The following GCKR variants were observed in gnomAD, a reference collection of about 807,000 sequenced individuals.
GCKR encodes the protein glucokinase regulatory protein.
In GCKR, 73 loss-of-function variants were observed where a neutral mutation model predicts 82.9. The observed-to-expected ratio is 0.88, with a 90% CI of 0.73 to 1.07. GCKR has a LOEUF of 1.07. Ranked by LOEUF, GCKR falls within the 50% of genes least tolerant of loss-of-function variation. The probability of loss-of-function intolerance (pLI) is 0.00; values close to 1 mark genes in which losing one functional copy is unlikely to be tolerated. For synonymous variants in GCKR, 294 were observed against 291.8 expected, an observed-to-expected ratio of 1.01 and a Z score of -0.08; for missense variants, 784 against 782.1, an observed-to-expected ratio of 1.00 and a Z score of -0.03.
chr2:27,498,350 TC>T (rs1669474896), intron 4 of GCKR, 27 bp downstream of exon 4: 3 of 1,566,026 alleles, frequency 1.9e-6, no homozygotes, highest in African/African-American at 1.4e-5. Flanking sequence ...CCAGTTTTCT[TC>T]CCCCTCCACT....
At chr2:27,516,712 GTGTTAA>G (rs927269906) in intron 16 of GCKR, among the ~76,000 whole-genome samples, 2 of 152,070 alleles carry the variant, frequency 1.3e-5, no homozygotes, top group African/African-American at 2.4e-5. Context: ...TGTGTTAATG[GTGTTAA>G]TGTTAATGGT....
chr2:27,497,718 T>C, intron 3 of GCKR, 88 bp downstream of exon 3: 1 of 821,728 alleles, frequency 1.2e-6, no homozygotes, highest in South Asian at 1.4e-5. Context: ...TTGATAGATC[T>C]CATTCTCCTT....
rs774972223 is a variant in GCKR at position 27,499,381 on chromosome 2, C to T, written c.496-16C>T. 2 of 1,601,156 alleles carry T rather than the reference C, an allele frequency of 1.2e-6. No homozygotes were observed. The highest frequency in any genetic ancestry group is 1.7e-6 in the Non-Finnish European group (2 of 1,168,042). On this transcript the variant is annotated splice_polypyrimidine_tract_variant and intron_variant, in intron 6 of 18. Coordinates refer to ENST00000264717, the MANE Select transcript of GCKR (RefSeq NM_001486.4). ...ATCCTCCCAGTTACACTACCTTGTC[C>T]ATCCTCCTCTCCTAGGTGGCTGCCG...
At chr2:27,517,339 C>T (rs1015177847) in intron 16 of GCKR, among the ~76,000 whole-genome samples, 9 of 152,054 alleles carry the variant, frequency 5.9e-5, no homozygotes, top group South Asian at 2.1e-4. Context: ...GTTTAATTGA[C>T]CCACAGTTCA....
At chr2:27,498,897 T>C in intron 5 of GCKR, 100 bp downstream of exon 5, 1 of 805,890 alleles carries the variant, frequency 1.2e-6, no homozygotes, top group Non-Finnish European at 2.2e-6. Context: ...CTGGCTTGTC[T>C]TAGTCCTCAC....
chr2:27,497,611 A>T lies in GCKR; in HGVS notation c.266A>T (p.Lys89Ile). The T allele has an allele frequency of 1.9e-6, 3 of 1,610,390 alleles. No individual in the cohort carries two copies. Among genetic ancestry groups the T allele is most frequent in the Non-Finnish European group, 2.5e-6 (3 of 1,176,598 alleles). ...ILTTMVQVAG[K>I]VQEVLKEPDG... The stretch of plus-strand genomic sequence containing the variant: ...ACCACCATGGTACAGGTGGCTGGGA[A>T]AGTTCAGGAAGTGCTGAAGGTACTA... The change falls in exon 3 of 19, where the codon AAA becomes ATA. Residue 89 changes from lysine to isoleucine, a missense_variant. Physicochemically the swap from Lys to Ile is moderately radical, Grantham distance 102 (BLOSUM62 -3). Transcript: ENST00000264717.
chr2:27,499,188 G>T lies in GCKR; in HGVS notation c.475G>T (p.Gly159Trp). ...GGGGACAGAAGATAGTGCCTTGCAC[G>T]GGATTGAGGAACTGAAGAAGGTCTG... is the stretch of plus-strand genomic sequence containing the variant. ...REGTEDSALH[G>W]IEELKKVAAG... Residue 159 changes from glycine (G) to tryptophan (W), a missense_variant, in exon 6 of 19, where the codon GGG (glycine) becomes TGG (tryptophan). Physicochemically the swap from Gly to Trp is radical, Grantham distance 184. Coordinates refer to ENST00000264717, the MANE Select transcript of GCKR (RefSeq NM_001486.4). 6.2e-7 allele frequency: 1 copy of T among 1,610,692 alleles called. No homozygotes were observed. Among genetic ancestry groups the T allele is most frequent in the South Asian group, 1.1e-5 (1 of 90,990 alleles).
At chr2:27,522,436 C>T (rs375483288) in intron 17 of GCKR, 24 bp from the exon 18 acceptor site, 7 of 1,613,534 alleles carry the variant, frequency 4.3e-6, no homozygotes, top group Non-Finnish European at 5.9e-6. Flanking sequence ...TAGCCTGACA[C>T]TGATCTTACC....
intron 17 of GCKR, among the ~76,000 whole-genome samples, chr2:27,520,821 A>C (rs1290864667): frequency 4.6e-5 from 7 of 152,002 alleles, no homozygotes. Flanking sequence ...AGATCACTTG[A>C]GGTCAGGAGT....
rs1318558977 is a variant in GCKR, at chr2:27,505,283, C to T, written c.751-435C>T. On this transcript the variant is annotated intron_variant, in intron 9 of 18. Transcript: ENST00000264717. ...TGGTGGCGGGCGCCTGTAGTCCCAG[C>T]TATTTGGGAGGCTGAGGCAGGAGAA... Among the ~76,000 whole-genome samples, 6 of 149,994 alleles carry T rather than the reference C, an allele frequency of 4.0e-5. No individual in the cohort carries two copies. The Admixed American group carries it at 4.0e-4, about 10-fold the overall frequency.
At chr2:27,509,703 A>AG (rs1669834783) in intron 16 of GCKR, 1 of 153,530 alleles carries the variant, frequency 6.5e-6, no homozygotes. Context: ...TTATAGATAC[A>AG]TTTTTTATAG....
chr2:27,498,579 T>C (rs1669482514), intron 4 of GCKR, 145 bp from the exon 5 acceptor site: 1 of 710,132 alleles, frequency 1.4e-6, no homozygotes, highest in Admixed American at 2.0e-5. Context: ...AAGTAGCAGC[T>C]TTAAGTGCGA....
In GCKR at chr2:27,505,800, A is replaced by G. The variant is rs1446514491; in HGVS notation, c.833A>G (p.His278Arg). The change falls in exon 10 of 19, where the codon CAT (histidine) becomes CGT (arginine). Residue 278 changes from histidine (H) to arginine (R), a missense_variant. By Grantham distance (29) the His-to-Arg change is conservative. Coordinates refer to ENST00000264717, the MANE Select transcript of GCKR (RefSeq NM_001486.4). ...ILLETLLLAA[H>R]KTVDQGIAAS... ...CTGGAAACCCTGTTATTAGCAGCCCATAAGACTGTGGACCAGGGCATTGCA... is the reference window on the plus strand; with the variant it reads ...CTGGAAACCCTGTTATTAGCAGCCCGTAAGACTGTGGACCAGGGCATTGCA... 1 of 1,604,808 alleles carries G rather than the reference A, an allele frequency of 6.2e-7. No homozygotes were observed. Among genetic ancestry groups the G allele is most frequent in the South Asian group, 1.1e-5 (1 of 90,950 alleles).
intron 4 of GCKR, among the ~76,000 whole-genome samples, 157 bp downstream of exon 4, chr2:27,498,480 T>C (rs775808203): frequency 6.6e-6 from 1 of 152,152 alleles, no homozygotes; most frequent in Non-Finnish European, 1.5e-5. Context: ...GATGTCACCA[T>C]GAAGTCCCAT....
intron 17 of GCKR, among the ~76,000 whole-genome samples, chr2:27,520,872 C>T (rs1670135340): frequency 6.6e-6 from 1 of 151,556 alleles, no homozygotes. Context: ...CCCGTCTCTA[C>T]TAAAAATAAA....
rs1158594273 is a variant in GCKR at position 27,503,538 on chromosome 2, T to A, written c.669T>A (p.Ser223Arg). Residue 223 changes from serine to arginine, a missense_variant, in exon 9 of 19, where the codon AGT (serine) becomes AGA (arginine). Ser to Arg is a moderately radical substitution (Grantham distance 110). Coordinates refer to ENST00000264717, the MANE Select transcript of GCKR (RefSeq NM_001486.4). ...MARNDPIEDW[S>R]STFRQVAERM... Reference sequence around the variant, plus strand: ...GAAATGACCCCATTGAAGACTGGAGTTCAACATTCCGACAAGTAGCAGAGC... The same window carrying A: ...GAAATGACCCCATTGAAGACTGGAGATCAACATTCCGACAAGTAGCAGAGC... 6.2e-7 allele frequency: 1 copy of A among 1,604,138 alleles called. No individual in the cohort carries two copies. Among genetic ancestry groups the A allele is most frequent in the South Asian group, 1.1e-5 (1 of 90,856 alleles).
At position 27,523,450 on chromosome 2, in the gene GCKR, C is replaced by G. The variant is rs1340762172; in HGVS notation, c.*11C>G. On this transcript the variant is annotated 3_prime_UTR_variant, in exon 19 of 19. Coordinates refer to ENST00000264717, the MANE Select transcript of GCKR (RefSeq NM_001486.4). The stretch of plus-strand genomic sequence containing the variant: ...CCTGACGTTCAGTGAACCCATGTTT[C>G]TGGGTGGGTGAAAGGGGCCCAACCC... 3 of 1,603,074 alleles carry G rather than the reference C, an allele frequency of 1.9e-6. No homozygotes were observed. The highest frequency in any genetic ancestry group is 2.5e-6 in the Non-Finnish European group (3 of 1,179,802).
intron 16 of GCKR, chr2:27,509,565 C>T (rs998687963): frequency 1.4e-4 from 60 of 442,648 alleles, no homozygotes; most frequent in African/African-American, 1.0e-3. Context: ...TGTTTGCCAA[C>T]TCCTAGACTC....
intron 15 of GCKR, 44 bp from the exon 16 acceptor site, chr2:27,508,124 C>G (rs142183677): frequency 2.1e-5 from 33 of 1,578,698 alleles, no homozygotes; most frequent in Non-Finnish European, 2.3e-5. Context: ...TGCAGCCAGG[C>G]CTTCCTGGAG....
Sources: allele counts gnomAD v4.1 joint callset (sites outside exome capture counted in the v4.1 genomes callset), GRCh38; gene constraint gnomAD v4.1.1; transcripts MANE v1.5; gene names NCBI Gene and HGNC (gene_info 2026-07-23, HGNC 2026-07-21).